SORL1: variants seen among roughly 807,000 people sequenced by gnomAD.
SORL1 encodes sortilin-related receptor.
SORL1 carries 127 observed loss-of-function variants against 273.7 expected under a neutral mutation model. The observed-to-expected ratio is 0.46, with a 90% CI of 0.40 to 0.54. SORL1 has a LOEUF of 0.54. SORL1 is among the 20% of genes least tolerant of loss of function. SORL1 has a pLI of 0.00. For synonymous variants in SORL1, 1,031 were observed against 1,067.4 expected, an observed-to-expected ratio of 0.97 and a Z score of 0.66; for missense variants, 2,494 against 2,846.1, an observed-to-expected ratio of 0.88 and a Z score of 2.81.
chr11:121,558,540 C>T (rs1223703411), intron 19 of SORL1, 51 bp from the exon 20 acceptor site: 2 of 1,600,932 alleles, frequency 1.2e-6, no homozygotes, highest in Non-Finnish European at 1.7e-6. Context: ...TATTTGAGCT[C>T]CCATTTCTCT....
chr11:121,457,159 T>C (rs1208295627), intron 1 of SORL1, among the ~76,000 whole-genome samples: 2 of 152,170 alleles, frequency 1.3e-5, no homozygotes, highest in Non-Finnish European at 2.9e-5. Flanking sequence ...CGCTTTTAGT[T>C]CATAAATAGC....
chr11:121,532,357 G>T, intron 11 of SORL1, 107 bp from the exon 12 acceptor site: 6 of 911,370 alleles, frequency 6.6e-6, no homozygotes, highest in Non-Finnish European at 1.0e-5. Flanking sequence ...GGTTGTCATT[G>T]CTGTTATGTC....
intron 35 of SORL1, among the ~76,000 whole-genome samples, chr11:121,605,884 C>T (rs1016998902): frequency 4.6e-5 from 7 of 152,118 alleles, no homozygotes; most frequent in African/African-American, 9.7e-5. Context: ...AGGAGGTCAT[C>T]GTCATTAAAA....
chr11:121,513,200 A>G (rs746365160), intron 7 of SORL1, 96 bp downstream of exon 7: 2 of 906,440 alleles, frequency 2.2e-6, no homozygotes, highest in Non-Finnish European at 3.7e-6. Flanking sequence ...TGGAGTGGAT[A>G]TTTTATGGCG....
At chr11:121,545,114 G>A in intron 13 of SORL1, 129 bp from the exon 14 acceptor site, 1 of 762,086 alleles carries the variant, frequency 1.3e-6, no homozygotes, top group Admixed American at 2.3e-5. Context: ...TGATTGGAGG[G>A]TCTGTGTGCT....
intron 32 of SORL1, among the ~76,000 whole-genome samples, chr11:121,600,235 G>A (rs1863366835): frequency 6.6e-6 from 1 of 152,156 alleles, no homozygotes; most frequent in South Asian, 2.1e-4. Context: ...CTCCTTTGTG[G>A]AGATAGGAGA....
At chr11:121,565,745 G>T (rs779177591) in intron 21 of SORL1, among the ~76,000 whole-genome samples, 1 of 152,170 alleles carries the variant, frequency 6.6e-6, no homozygotes, top group African/African-American at 2.4e-5. Flanking sequence ...AATGGTTTAT[G>T]CATCTTCTTA....
At chr11:121,462,813 G>A (rs1861022199) in intron 1 of SORL1, among the ~76,000 whole-genome samples, 1 of 152,160 alleles carries the variant, frequency 6.6e-6, no homozygotes, top group Admixed American at 6.5e-5. Context: ...TTGAACTCCT[G>A]GGCTCGAGGG....
intron 30 of SORL1, 165 bp downstream of exon 30, chr11:121,590,339 G>A: frequency 1.5e-6 from 1 of 654,670 alleles, no homozygotes; most frequent in Admixed American, 3.0e-5. Context: ...TTTGAAATAA[G>A]TGTGGTTGGT....
At chr11:121,475,994 C>T (rs972186777) in intron 2 of SORL1, among the ~76,000 whole-genome samples, 15 of 152,144 alleles carry the variant, frequency 9.9e-5, no homozygotes, top group Non-Finnish European at 1.8e-4. Flanking sequence ...AGACTAACTC[C>T]GGTTTTTCAG....
intron 6 of SORL1, among the ~76,000 whole-genome samples, chr11:121,499,081 G>A (rs574994808): frequency 6.6e-6 from 1 of 152,218 alleles, no homozygotes; most frequent in East Asian, 1.9e-4. Context: ...TGTTTGATAC[G>A]CAGCAGATGC....
At chr11:121,577,211 C>T in intron 24 of SORL1, 70 bp from the exon 25 acceptor site, 7 of 1,532,124 alleles carry the variant, frequency 4.6e-6, no homozygotes, top group Non-Finnish European at 5.3e-6. Flanking sequence ...TTTATGAGAG[C>T]TTTGACACCA....
At position 121,452,502 on chromosome 11, in the gene SORL1, G is replaced by A. The variant is rs1263157692; in HGVS notation, c.171G>A (p.Glu57=). The A allele has an allele frequency of 2.0e-6, 3 of 1,480,446 alleles. No individual in the cohort carries two copies. The highest frequency in any genetic ancestry group is 2.4e-5 in the Admixed American group (1 of 41,596). The allele number at this position is 1,480,446 out of a possible 1,614,324, so 91.7% of individuals were successfully genotyped here. A position where few individuals can be genotyped will look rare whatever the true frequency, so the allele number is the denominator to read the frequency against. The change falls in exon 1 of 48, where the codon GAG becomes GAA. Residue 57 remains glutamate (E), a synonymous_variant. Transcript: ENST00000260197. This position sits in a 1 kb window ranked among gnomAD's most constrained non-coding sequence, Gnocchi z 5.3. ...GFLVVQGDPR[E]LRLWARGDAR... ...TCGTGGTGCAGGGCGACCCGCGCGA[G>A]CTGCGGCTGTGGGCGCGCGGGGATG...
rs780337269 is a variant in SORL1 at position 121,608,183 on chromosome 11, G to T, written c.5239+7G>T. 2 of 1,609,024 alleles carry T rather than the reference G, an allele frequency of 1.2e-6. No homozygotes were observed. Among genetic ancestry groups the T allele is most frequent in the South Asian group, 1.1e-5 (1 of 90,918 alleles). On this transcript the variant is annotated splice_region_variant and intron_variant, in intron 38 of 47. Transcript: ENST00000260197. The stretch of plus-strand genomic sequence containing the variant: ...ACCACCATAAAAGGAAAAGGTAAAT[G>T]ATCCCAGCATTTGCAGATTTAGAGA...
intron 12 of SORL1, among the ~76,000 whole-genome samples, chr11:121,537,020 C>T (rs1168253972): frequency 6.6e-6 from 1 of 152,098 alleles, no homozygotes; most frequent in African/African-American, 2.4e-5. Context: ...GAAACCCCAG[C>T]TGAACCTAAA....
intron 40 of SORL1, among the ~76,000 whole-genome samples, chr11:121,613,914 C>A (rs1430920014): frequency 1.3e-5 from 2 of 152,214 alleles, no homozygotes; most frequent in Non-Finnish European, 1.5e-5. Context: ...CCAAGCACTT[C>A]CTAAGCATTT....
At chr11:121,524,074 A>G (rs1202360106) in intron 11 of SORL1, among the ~76,000 whole-genome samples, 2 of 152,194 alleles carry the variant, frequency 1.3e-5, no homozygotes, top group Non-Finnish European at 1.5e-5. Context: ...GTGAACGCAA[A>G]TATGTGTTCA....
chr11:121,550,064 G>C lies in SORL1; in HGVS notation c.2156G>C (p.Gly719Ala). 1 of 1,613,608 alleles carries C rather than the reference G, an allele frequency of 6.2e-7. No individual in the cohort carries two copies. Among genetic ancestry groups the C allele is most frequent in the Non-Finnish European group, 8.5e-7 (1 of 1,179,712 alleles). ...TCCCCTCCTGTGCCTTGCCCTGTGG[G>C]TTCTACTTACAGGAGAACGAGAGGG... The part of the protein sequence containing the change: ...SYSPPVPCPV[G>A]STYRRTRGYR... The change falls in exon 15 of 48, where the codon GGT becomes GCT. Residue 719 changes from glycine to alanine, a missense_variant. Gly to Ala is a moderately conservative substitution (Grantham distance 60, BLOSUM62 0). This residue lies in a region of SORL1 where 710 missense variants were observed against 882.5 expected (regional missense o/e 0.80). Coordinates refer to ENST00000260197, the MANE Select transcript of SORL1 (RefSeq NM_003105.6). The surrounding 1 kb of genome is among the most constrained non-coding windows in gnomAD (Gnocchi z 5.3).
chr11:121,520,396 A>G lies in SORL1; in HGVS notation c.1212-261A>G, dbSNP rs978535107. On this transcript the variant is annotated intron_variant, in intron 8 of 47. Transcript: ENST00000260197. The stretch of plus-strand genomic sequence containing the variant: ...TTATATGAAATGTCTAGATAGGCCA[A>G]TTCATAAACACATGGAGCAGATGAG... 5.3e-5 allele frequency among the ~76,000 whole-genome samples: 8 copies of G among 152,366 alleles called. No homozygotes were observed. In the South Asian group the frequency reaches 1.4e-3, roughly 28 times the overall value.
Sources: allele counts gnomAD v4.1 joint callset (sites outside exome capture counted in the v4.1 genomes callset), GRCh38; gene constraint gnomAD v4.1.1; regional missense constraint gnomAD v4.1.1; non-coding constraint Gnocchi (gnomAD v3.1); transcripts MANE v1.5; gene names NCBI Gene and HGNC (gene_info 2026-07-23, HGNC 2026-07-21).